Variants in SKIC3 observed in about 807,000 individuals in gnomAD.
The protein encoded by SKIC3 is SKI3 subunit of superkiller complex.
At chr5:95,507,625 T>C in the SKIC3 span, among the ~76,000 whole-genome samples, 1 of 152,220 alleles carries the variant, frequency 6.6e-6, no homozygotes, top group African/African-American at 2.4e-5. Flanking sequence ...CTTTCCCATT[T>C]AAAGACGACT....
chr5:95,484,501 C>G, the SKIC3 span, among the ~76,000 whole-genome samples: 2 of 151,816 alleles, frequency 1.3e-5, no homozygotes. Flanking sequence ...CATGTGTCAC[C>G]AGGACCGGTT....
the SKIC3 span, chr5:95,478,509 T>C: frequency 6.3e-7 from 1 of 1,590,866 alleles, no homozygotes; most frequent in Non-Finnish European, 8.6e-7. Flanking sequence ...TACCCCTACT[T>C]CCAACAAATT....
chr5:95,464,606 G>T, the SKIC3 span: 1 of 1,608,514 alleles, frequency 6.2e-7, no homozygotes, highest in Non-Finnish European at 8.5e-7. Context: ...ATAATCCAAT[G>T]TTATTGTGAG....
the SKIC3 span, among the ~76,000 whole-genome samples, chr5:95,483,373 G>A: frequency 1.3e-5 from 2 of 151,788 alleles, no homozygotes; most frequent in Non-Finnish European, 2.9e-5. Context: ...TTATTTGATT[G>A]CTTTCTTCTA....
chr5:95,513,235 T>G, the SKIC3 span: 3 of 266,300 alleles, frequency 1.1e-5, no homozygotes, highest in Admixed American at 9.4e-5. Context: ...AGAGACAGAA[T>G]CTTGCTCTGT....
At chr5:95,469,865 T>C in the SKIC3 span, 2 of 1,614,084 alleles carry the variant, frequency 1.2e-6, no homozygotes, top group Non-Finnish European at 1.7e-6. Context: ...GCCTCAGTTG[T>C]AGCCTCTTGA....
the SKIC3 span, among the ~76,000 whole-genome samples, chr5:95,530,808 C>G: frequency 3.3e-5 from 5 of 152,104 alleles, no homozygotes; most frequent in Non-Finnish European, 5.9e-5. Flanking sequence ...GATAGTCATC[C>G]AATGCCTACA....
At chr5:95,476,251 C>G in the SKIC3 span, among the ~76,000 whole-genome samples, 1 of 152,116 alleles carries the variant, frequency 6.6e-6, no homozygotes, top group African/African-American at 2.4e-5. Context: ...ATGCCGCAGC[C>G]CTGGGGGCAC....
At chr5:95,464,338 G>A in the SKIC3 span, 1 of 398,472 alleles carries the variant, frequency 2.5e-6, no homozygotes, top group Non-Finnish European at 4.6e-6. Flanking sequence ...AGAAAATAAT[G>A]GTTTACAAAT....
chr5:95,547,096 TTC>T, the SKIC3 span: 9 of 1,613,340 alleles, frequency 5.6e-6, no homozygotes, highest in Non-Finnish European at 7.6e-6. Context: ...TATTCTTTGT[TTC>T]TGATTGCATC....
chr5:95,472,982 T>A, the SKIC3 span, among the ~76,000 whole-genome samples: 1 of 152,180 alleles, frequency 6.6e-6, no homozygotes, highest in Admixed American at 6.5e-5. Flanking sequence ...ATGGTGTATA[T>A]GTACCACATT....
chr5:95,484,766 T>C, the SKIC3 span: 1 of 1,614,228 alleles, frequency 6.2e-7, no homozygotes, highest in Non-Finnish European at 8.5e-7. Context: ...TTCCTGTGTC[T>C]ATTAGACCAG....
chr5:95,511,007 T>C, the SKIC3 span, among the ~76,000 whole-genome samples: 1 of 152,228 alleles, frequency 6.6e-6, no homozygotes, highest in East Asian at 1.9e-4. Context: ...CCATATCTTT[T>C]GTGATTGCTA....
At chr5:95,487,742 G>A in the SKIC3 span, among the ~76,000 whole-genome samples, 2 of 152,108 alleles carry the variant, frequency 1.3e-5, no homozygotes, top group East Asian at 3.9e-4. Context: ...GACTAGATAT[G>A]CATATATCAA....
chr5:95,504,780 C>T, the SKIC3 span, among the ~76,000 whole-genome samples: 30 of 152,100 alleles, frequency 2.0e-4, 1 homozygote, highest in Middle Eastern at 3.4e-3. Context: ...ACAGGGGCAT[C>T]ACTTGAGGTC....
the SKIC3 span, chr5:95,494,825 CCTGATAGCTCCCT>C: frequency 6.2e-7 from 1 of 1,610,554 alleles, no homozygotes; most frequent in Non-Finnish European, 8.5e-7. Flanking sequence ...AGCCAATTTT[CCTGATAGCTCCCT>C]CTCTTTCAAA....
At chr5:95,474,812 G>A in the SKIC3 span, among the ~76,000 whole-genome samples, 4 of 152,006 alleles carry the variant, frequency 2.6e-5, no homozygotes, top group Non-Finnish European at 4.4e-5. Context: ...TAAAACATTC[G>A]CTTTTCATTA....
At chr5:95,523,454 A>G in the SKIC3 span, 1 of 1,208,242 alleles carries the variant, frequency 8.3e-7, no homozygotes, top group Non-Finnish European at 1.1e-6. Context: ...GGTATACATC[A>G]AATTACAGTT....
chr5:95,505,816 A>C, the SKIC3 span, among the ~76,000 whole-genome samples: 22,662 of 143,530 alleles, frequency 0.16, 1,886 homozygotes, highest in Non-Finnish European at 0.2. Context: ...CTGTCCCCCC[A>C]AAAAAAAAAA....
Sources: allele counts gnomAD v4.1 joint callset (sites outside exome capture counted in the v4.1 genomes callset), GRCh38; gene constraint gnomAD v4.1.1; transcripts MANE v1.5; gene names NCBI Gene and HGNC (gene_info 2026-07-23, HGNC 2026-07-21).